Variants in PRKAR1B observed in about 807,000 individuals in gnomAD.
PRKAR1B encodes the protein protein kinase cAMP-dependent type I regulatory subunit beta, also known as cAMP-dependent protein kinase type I-beta regulatory subunit.
In PRKAR1B, 22 loss-of-function variants were observed where a neutral mutation model predicts 46.5. The ratio of observed to expected loss-of-function variants is 0.47; its 90% CI spans 0.34 to 0.68. The LOEUF is 0.68. PRKAR1B is among the 30% of genes least tolerant of loss of function. The probability of loss-of-function intolerance (pLI) is 0.01; values close to 1 mark genes in which losing one functional copy is unlikely to be tolerated. For synonymous variants in PRKAR1B, 259 were observed against 217.7 expected (o/e 1.19, Z -1.67); for missense variants, 445 against 535.6 (o/e 0.83, Z 1.67).
At chr7:702,397 T>C (rs1780106755) in intron 2 of PRKAR1B, among the ~76,000 whole-genome samples, 1 of 152,196 alleles carries the variant, frequency 6.6e-6, no homozygotes, top group Non-Finnish European at 1.5e-5. Flanking sequence ...ACATGATCTA[T>C]ACATGAGGTA....
chr7:636,488 G>A lies in PRKAR1B; in HGVS notation c.441-29036C>T, dbSNP rs368268945. 8.5e-5 allele frequency among the ~76,000 whole-genome samples: 13 copies of A among 152,244 alleles called. 1 individual carries two copies. The highest frequency in any genetic ancestry group is 4.2e-4 in the South Asian group (2 of 4,810). ...GTGCCCACTGTGCCCACCGGATGCT[G>A]GGGCTCCTTCACCAGGGGTGGGGGG... On this transcript the variant is annotated intron_variant, in intron 4 of 10. Coordinates refer to ENST00000537384, the MANE Select transcript of PRKAR1B (RefSeq NM_001164760.2).
chr7:636,804 G>A (rs959089413), intron 4 of PRKAR1B, among the ~76,000 whole-genome samples: 2 of 152,218 alleles, frequency 1.3e-5, no homozygotes, highest in East Asian at 3.8e-4. Flanking sequence ...TCCCTCCTGG[G>A]TGAGGAATGG....
intron 9 of PRKAR1B, among the ~76,000 whole-genome samples, chr7:570,380 G>A (rs950726977): frequency 5.9e-5 from 9 of 152,214 alleles, no homozygotes; most frequent in African/African-American, 2.2e-4. Flanking sequence ...AGCTCGGGGG[G>A]CCTGGGAGCC....
rs756143798 is a variant in PRKAR1B, at chr7:711,331, T to C, written c.175A>G (p.Lys59Glu). The change falls in exon 2 of 11, where the codon AAG becomes GAG. Residue 59 changes from lysine (K) to glutamate (E), a missense_variant and splice_region_variant. Coordinates refer to ENST00000537384, the MANE Select transcript of PRKAR1B (RefSeq NM_001164760.2). The part of the protein sequence containing the change: ...FLREHFEKLE[K>E]EENRQILARQ... ...AGCGGGCGGCGGGGGCCACTCACCT[T>C]CTCCAGCTTCTCGAAGTGCTCCCGG... 2 of 1,613,996 alleles carry C rather than the reference T, an allele frequency of 1.2e-6. No individual in the cohort carries two copies. Among genetic ancestry groups the C allele is most frequent in the Non-Finnish European group, 1.7e-6 (2 of 1,179,934 alleles).
At chr7:611,811 T>C (rs1048938424) in intron 4 of PRKAR1B, among the ~76,000 whole-genome samples, 20 of 125,492 alleles carry the variant, frequency 1.6e-4, no homozygotes, top group East Asian at 4.6e-4. Flanking sequence ...GGCGGGTGGA[T>C]TGAACAGGTG....
chr7:638,497 C>T (rs764363339), intron 4 of PRKAR1B, among the ~76,000 whole-genome samples: 7 of 152,160 alleles, frequency 4.6e-5, no homozygotes, highest in African/African-American at 1.4e-4. Context: ...AGACACATCA[C>T]GGGGCACAGG....
chr7:711,501 G>A lies in PRKAR1B; in HGVS notation c.5C>T (p.Ala2Val). 6.2e-7 allele frequency: 1 copy of A among 1,612,962 alleles called. No individual in the cohort carries two copies. Among genetic ancestry groups the A allele is most frequent in the Non-Finnish European group, 8.5e-7 (1 of 1,179,466 alleles). MASPPACPSEED... is the reference protein window; with the variant it reads MVSPPACPSEED... The stretch of plus-strand genomic sequence containing the variant: ...CTCCGAGGGGCAGGCGGGCGGGGAG[G>A]CCATGGCGAGGGTGGCTGCTTCCTT... Residue 2 changes from alanine to valine, a missense_variant, in exon 2 of 11, where the codon GCC becomes GTC. Coordinates refer to ENST00000537384, the MANE Select transcript of PRKAR1B (RefSeq NM_001164760.2).
intron 1 of PRKAR1B, chr7:726,461 C>G (rs374813717): frequency 2.9e-6 from 1 of 348,410 alleles, no homozygotes; most frequent in East Asian, 4.2e-5. Flanking sequence ...GGACCCGCAT[C>G]CCGGGCGAGC....
At chr7:711,265 C>A (rs566529330) in intron 2 of PRKAR1B, 64 bp downstream of exon 2, 2 of 1,584,592 alleles carry the variant, frequency 1.3e-6, no homozygotes, top group African/African-American at 2.7e-5. Context: ...GAAGGCTTCC[C>A]CGGCTGCCGC....
intron 6 of PRKAR1B, among the ~76,000 whole-genome samples, chr7:605,024 G>A (rs552917703): frequency 9.8e-5 from 15 of 152,368 alleles, no homozygotes; most frequent in Admixed American, 1.3e-4. Flanking sequence ...GGTCTCATGA[G>A]ATGTCATCAC....
chr7:703,170 A>G (rs1780150478), intron 2 of PRKAR1B, among the ~76,000 whole-genome samples: 1 of 152,236 alleles, frequency 6.6e-6, no homozygotes. Context: ...AGAAACATCG[A>G]ATAATGATAA....
chr7:728,119 C>G (rs1781425601), upstream of PRKAR1B, among the ~76,000 whole-genome samples: 1 of 152,166 alleles, frequency 6.6e-6, no homozygotes, highest in Non-Finnish European at 1.5e-5. Context: ...CGTTCCCCAT[C>G]TTTTTTAGAG....
chr7:581,719 C>T (rs1410495674), intron 8 of PRKAR1B, among the ~76,000 whole-genome samples: 3 of 151,874 alleles, frequency 2.0e-5, no homozygotes, highest in Non-Finnish European at 4.4e-5. Flanking sequence ...CTTTTGGCCC[C>T]ATTTTTTTTT....
At chr7:627,189 C>T (rs997937299) in intron 4 of PRKAR1B, among the ~76,000 whole-genome samples, 32 of 152,012 alleles carry the variant, frequency 2.1e-4, no homozygotes, top group South Asian at 4.1e-4. Context: ...GGGGTCTCGT[C>T]GCATTGCCCA....
chr7:647,728 C>A (rs1784687881), intron 4 of PRKAR1B, among the ~76,000 whole-genome samples: 1 of 148,264 alleles, frequency 6.7e-6, no homozygotes, highest in African/African-American at 2.5e-5. Context: ...ATGGCATGAA[C>A]CTGGGGGGGC....
At chr7:592,893 A>G (rs9719639) in intron 7 of PRKAR1B, among the ~76,000 whole-genome samples, 114,469 of 151,940 alleles carry the variant, frequency 0.75, 43,317 homozygotes, top group South Asian at 0.91. Context: ...TTAATTAGTC[A>G]GGCGCGGTAG....
chr7:656,671 G>A (rs1332118370), intron 4 of PRKAR1B, among the ~76,000 whole-genome samples: 1 of 152,190 alleles, frequency 6.6e-6, no homozygotes, highest in Non-Finnish European at 1.5e-5. Context: ...GTGGGTGAAT[G>A]AATTAATGGA....
chr7:710,536 G>A (rs1378410763), intron 2 of PRKAR1B, among the ~76,000 whole-genome samples: 4 of 152,060 alleles, frequency 2.6e-5, no homozygotes, highest in South Asian at 4.1e-4. Context: ...GCTTCTCCCC[G>A]ACCACACGTG....
At chr7:664,253 G>A (rs776423662) in intron 4 of PRKAR1B, among the ~76,000 whole-genome samples, 6 of 152,170 alleles carry the variant, frequency 3.9e-5, no homozygotes, top group South Asian at 2.1e-4. Flanking sequence ...GACCCATGGC[G>A]TCCGTCGGAA....
Sources: gnomAD v4.1 joint callset for allele counts (sites outside exome capture counted in the v4.1 genomes callset) on GRCh38, gnomAD v4.1.1 for gene constraint, MANE v1.5 for transcripts, NCBI Gene and HGNC (gene_info 2026-07-23, HGNC 2026-07-21) for gene names.